The following PRELID2 variants were observed in gnomAD, a reference collection of about 807,000 sequenced individuals.
The protein encoded by PRELID2 is PRELI domain containing 2.
A neutral mutation model predicts 28.4 loss-of-function variants in PRELID2; 25 were observed. That is an observed-to-expected ratio of 0.88 (90% confidence interval 0.64 to 1.23). The LOEUF is 1.23. PRELID2 is among the 50% of genes most tolerant of loss of function. The probability of loss-of-function intolerance (pLI) is 0.00; values close to 1 mark genes in which losing one functional copy is unlikely to be tolerated. For synonymous variants in PRELID2, 76 were observed against 71.6 expected (o/e 1.06, Z -0.31); for missense variants, 201 against 214.4 (o/e 0.94, Z 0.39).
chr5:145,571,253 A>G (rs1312465277), intron 1 of PRELID2, among the ~76,000 whole-genome samples: 3 of 152,206 alleles, frequency 2.0e-5, no homozygotes, highest in African/African-American at 7.2e-5. Context: ...AAGCCCTGCA[A>G]CTGTCAGAAT....
At chr5:145,791,582 T>C (rs1317752791) in intron 5 of PRELID2, among the ~76,000 whole-genome samples, 1 of 152,098 alleles carries the variant, frequency 6.6e-6, no homozygotes, top group Non-Finnish European at 1.5e-5. Flanking sequence ...GTGAATGGGA[T>C]AGGAAGTTAT....
chr5:145,714,817 T>C (rs922046824), intron 1 of PRELID2, among the ~76,000 whole-genome samples: 1 of 152,166 alleles, frequency 6.6e-6, no homozygotes, highest in Non-Finnish European at 1.5e-5. Flanking sequence ...TTGTTGCTTC[T>C]GTGCCATCCC....
At chr5:145,389,848 C>T in the PRELID2 span, among the ~76,000 whole-genome samples, 3 of 152,106 alleles carry the variant, frequency 2.0e-5, no homozygotes, top group Middle Eastern at 3.2e-3. Context: ...ACTTACTCTA[C>T]TGAGAAAGAT....
At chr5:145,637,426 A>G (rs1161168642) in intron 1 of PRELID2, among the ~76,000 whole-genome samples, 1 of 151,946 alleles carries the variant, frequency 6.6e-6, no homozygotes, top group Non-Finnish European at 1.5e-5. Context: ...TCATTTCTAC[A>G]CTGTGCTATG....
At chr5:145,436,618 C>A in the PRELID2 span, among the ~76,000 whole-genome samples, 1 of 151,942 alleles carries the variant, frequency 6.6e-6, no homozygotes, top group Non-Finnish European at 1.5e-5. Flanking sequence ...TTGTTTTTTA[C>A]GTTTTAATAA....
At chr5:145,390,229 T>C in the PRELID2 span, among the ~76,000 whole-genome samples, 1 of 152,204 alleles carries the variant, frequency 6.6e-6, no homozygotes, top group Non-Finnish European at 1.5e-5. Context: ...GCCAGATTAA[T>C]AGAAGTTTCA....
At chr5:145,624,188 C>T (rs1753813433) in intron 1 of PRELID2, among the ~76,000 whole-genome samples, 2 of 152,162 alleles carry the variant, frequency 1.3e-5, no homozygotes, top group African/African-American at 2.4e-5. Context: ...ACCACCTTCC[C>T]AGAACCTTGA....
At chr5:145,578,836 G>T (rs991915596) in intron 1 of PRELID2, among the ~76,000 whole-genome samples, 3 of 152,040 alleles carry the variant, frequency 2.0e-5, no homozygotes, top group Non-Finnish European at 2.9e-5. Context: ...CCATTAAGTA[G>T]ATTTTATAAT....
At chr5:145,799,747 C>T (rs1432647786) in intron 4 of PRELID2, among the ~76,000 whole-genome samples, 4 of 152,146 alleles carry the variant, frequency 2.6e-5, no homozygotes, top group Admixed American at 2.6e-4. Context: ...GACAAGATTG[C>T]AAATGGCCTC....
chr5:145,819,234 A>C, intron 3 of PRELID2: 1 of 654,280 alleles, frequency 1.5e-6, no homozygotes, highest in Non-Finnish European at 2.7e-6. Flanking sequence ...CACACACAGA[A>C]TCTCTCTTGG....
At chr5:145,508,601 T>A (rs1006715390) in intron 1 of PRELID2, among the ~76,000 whole-genome samples, 2 of 152,116 alleles carry the variant, frequency 1.3e-5, no homozygotes, top group East Asian at 1.9e-4. Flanking sequence ...AAACATTGTG[T>A]CTGTCCCTAC....
At chr5:145,835,117 G>A in intron 1 of PRELID2, 60 bp downstream of exon 1, 1 of 1,196,454 alleles carries the variant, frequency 8.4e-7, no homozygotes, top group African/African-American at 1.5e-5. Flanking sequence ...ATGAAGGAGA[G>A]GAGAGAGGGG....
At chr5:145,597,870 G>C (rs77570427) in intron 1 of PRELID2, among the ~76,000 whole-genome samples, 1 of 152,244 alleles carries the variant, frequency 6.6e-6, no homozygotes, top group South Asian at 2.1e-4. Flanking sequence ...ATTGAGTAAG[G>C]AGCTGGGTGA....
At chr5:145,289,684 T>G in the PRELID2 span, among the ~76,000 whole-genome samples, 1 of 152,202 alleles carries the variant, frequency 6.6e-6, no homozygotes, top group African/African-American at 2.4e-5. Context: ...AATAGTGTTC[T>G]AAAGTGGTAG....
chr5:145,650,658 A>G (rs532827341), intron 1 of PRELID2, among the ~76,000 whole-genome samples: 3 of 148,276 alleles, frequency 2.0e-5, no homozygotes, highest in African/African-American at 7.6e-5. Context: ...AGAAAAAAAA[A>G]GTAATTTTAC....
the PRELID2 span, among the ~76,000 whole-genome samples, chr5:145,248,954 C>G: frequency 6.6e-6 from 1 of 152,080 alleles, no homozygotes; most frequent in Non-Finnish European, 1.5e-5. Context: ...TCAGTGCCAG[C>G]CTATTATTTG....
chr5:145,490,081 T>C (rs948955639), intron 1 of PRELID2, among the ~76,000 whole-genome samples: 1 of 152,158 alleles, frequency 6.6e-6, no homozygotes, highest in Admixed American at 6.6e-5. Flanking sequence ...AGATGTTGCT[T>C]AAAATAAAAT....
At chr5:145,313,069 G>T in the PRELID2 span, among the ~76,000 whole-genome samples, 1 of 152,008 alleles carries the variant, frequency 6.6e-6, no homozygotes, top group Non-Finnish European at 1.5e-5. Context: ...AAATAGCCAA[G>T]TGAATCTTTA....
At chr5:145,792,726 G>GA (rs974299183) in intron 5 of PRELID2, among the ~76,000 whole-genome samples, 22 of 149,474 alleles carry the variant, frequency 1.5e-4, no homozygotes, top group South Asian at 8.5e-4. Context: ...TTGAGGGAGA[G>GA]AAAAAAAAAC....
Sources: gnomAD v4.1 joint callset for allele counts (sites outside exome capture counted in the v4.1 genomes callset) on GRCh38, gnomAD v4.1.1 for gene constraint, MANE v1.5 for transcripts, NCBI Gene and HGNC (gene_info 2026-07-23, HGNC 2026-07-21) for gene names.